INSR: variants seen among roughly 807,000 people sequenced by gnomAD.
The protein encoded by INSR is IR.
A neutral mutation model predicts 142.6 loss-of-function variants in INSR; 67 were observed. That is an observed-to-expected ratio of 0.47 (90% CI 0.39 to 0.58). The LOEUF is 0.58. Among genes scored for constraint, INSR ranks in the 20% least tolerant of loss-of-function variants. The pLI, the probability that INSR is intolerant of heterozygous loss-of-function variation, is 0.00. For synonymous variants in INSR, 756 were observed against 743.1 expected, an observed-to-expected ratio of 1.02 and a Z score of -0.28; for missense variants, 1,248 against 1,833.2, an observed-to-expected ratio of 0.68 and a Z score of 5.83.
At chr19:7,149,503 C>A (rs1973269382) in intron 11 of INSR, among the ~76,000 whole-genome samples, 1 of 152,124 alleles carries the variant, frequency 6.6e-6, no homozygotes, top group African/African-American at 2.4e-5. Flanking sequence ...CATACTGCTT[C>A]ATTCTCTTAA....
chr19:7,241,956 G>T (rs1215931180), intron 2 of INSR, among the ~76,000 whole-genome samples: 1 of 151,538 alleles, frequency 6.6e-6, no homozygotes, highest in African/African-American at 2.4e-5. Context: ...CAGGAGTTCG[G>T]GACTGGCCAA....
chr19:7,246,516 T>G (rs774113034), intron 2 of INSR, among the ~76,000 whole-genome samples: 108 of 152,324 alleles, frequency 7.1e-4, no homozygotes, highest in Admixed American at 2.2e-3. Flanking sequence ...AAAGAGCCTG[T>G]GTTTGTGGTC....
Position 7,125,578 on chromosome 19 carries a change from G to A in INSR, c.3014-51C>T, listed in dbSNP as rs1181400068. On this transcript the variant is annotated intron_variant, in intron 16 of 21. Transcript: ENST00000302850. This position sits in a 1 kb window ranked among gnomAD's most constrained non-coding sequence, Gnocchi z 4.9. ...TCCTTGGAGGATCCCTTGGGGGTCT[G>A]CAGCCACCTTCCACCCAAGCCCTCA... 4.4e-6 allele frequency: 7 copies of A among 1,605,238 alleles called. No individual in the cohort carries two copies. Among genetic ancestry groups the A allele is most frequent in the Non-Finnish European group, 5.1e-6 (6 of 1,179,462 alleles).
chr19:7,277,491 C>T (rs1968095435), intron 1 of INSR, among the ~76,000 whole-genome samples: 1 of 152,054 alleles, frequency 6.6e-6, no homozygotes, highest in Non-Finnish European at 1.5e-5. Flanking sequence ...GGACAAAGTA[C>T]TAAAACAAAG....
intron 2 of INSR, among the ~76,000 whole-genome samples, chr19:7,260,446 G>A (rs1206141689): frequency 6.6e-6 from 1 of 152,140 alleles, no homozygotes; most frequent in African/African-American, 2.4e-5. Flanking sequence ...AAAATGCCCA[G>A]AGCTGAGAAT....
Position 7,152,991 on chromosome 19 carries a change from A to AC in INSR, c.2030-65dup, listed in dbSNP as rs1568448888. The AC allele has an allele frequency of 4.0e-5, 33 of 820,316 alleles. 1 individual carries two copies. Among genetic ancestry groups the AC allele is most frequent in the African/African-American group, 3.3e-4 (16 of 48,708 alleles). The allele number at this position is 820,316 out of a possible 1,614,324, so 50.8% of individuals were successfully genotyped here. On this transcript the variant is annotated intron_variant, in intron 9 of 21. Coordinates refer to ENST00000302850, the MANE Select transcript of INSR (RefSeq NM_000208.4). ...CGGCTGAACACACATACACACACACACACACCCCACACACACACACACCAC... is the reference window on the plus strand; with the variant it reads ...CGGCTGAACACACATACACACACACACCACACCCCACACACACACACACCAC...
At chr19:7,165,503 C>T (rs1370969134) in intron 8 of INSR, among the ~76,000 whole-genome samples, 4 of 151,754 alleles carry the variant, frequency 2.6e-5, no homozygotes, top group African/African-American at 9.7e-5. Context: ...TATAAATATT[C>T]CCATCAAGTG....
In INSR at chr19:7,174,706, G is replaced by T; in HGVS notation, c.1000C>A (p.Pro334Thr). Residue 334 changes from proline (P) to threonine (T), a missense_variant, in exon 4 of 22, where the codon CCC becomes ACC. Coordinates refer to ENST00000302850, the MANE Select transcript of INSR (RefSeq NM_000208.4). ...AGGAGGTGGCACACCTTGGGACAGGGACCCAGGCATGGGGTGCACAGCAAG... is the reference window on the plus strand; with the variant it reads ...AGGAGGTGGCACACCTTGGGACAGGTACCCAGGCATGGGGTGCACAGCAAG... ...SNLLCTPCLG[P>T]CPKVCHLLEG... 1.2e-6 allele frequency: 2 copies of T among 1,613,290 alleles called. No individual in the cohort carries two copies. The highest frequency in any genetic ancestry group is 1.7e-4 in the Middle Eastern group (1 of 6,056).
At chr19:7,228,009 T>C (rs906793612) in intron 2 of INSR, among the ~76,000 whole-genome samples, 11 of 151,444 alleles carry the variant, frequency 7.3e-5, no homozygotes, top group African/African-American at 2.2e-4. Flanking sequence ...AATCAGACTG[T>C]CCCAAATCTA....
At chr19:7,222,364 C>T (rs1000050380) in intron 2 of INSR, among the ~76,000 whole-genome samples, 1 of 151,858 alleles carries the variant, frequency 6.6e-6, no homozygotes, top group African/African-American at 2.4e-5. Context: ...GACATGTGTC[C>T]CGTACACCCA....
At position 7,174,952 on chromosome 19, in the gene INSR, C is replaced by T. The variant is rs985685589; in HGVS notation, c.975-221G>A. ...CTGCCTTCTGGGTTCAAGAGATTCT[C>T]CTGCCTCAGCCTCCACAGTAGCTGG... On this transcript the variant is annotated intron_variant, in intron 3 of 21. Transcript: ENST00000302850. Among the ~76,000 whole-genome samples the T allele has an allele frequency of 3.3e-5, 5 of 152,080 alleles. 1 individual carries two copies. In the South Asian group the frequency reaches 1.0e-3, roughly 32 times the overall value.
chr19:7,146,518 C>T (rs1568444009), intron 11 of INSR, among the ~76,000 whole-genome samples: 2 of 152,136 alleles, frequency 1.3e-5, no homozygotes, highest in Non-Finnish European at 2.9e-5. Flanking sequence ...ACTGGGATTA[C>T]AGGCATGAGC....
intron 2 of INSR, among the ~76,000 whole-genome samples, chr19:7,221,073 G>A (rs543005116): frequency 5.3e-5 from 8 of 152,108 alleles, no homozygotes; most frequent in Non-Finnish European, 1.0e-4. Flanking sequence ...AGTCCCCACC[G>A]GCAAGAAGGT....
intron 9 of INSR, among the ~76,000 whole-genome samples, chr19:7,162,552 T>C (rs906196773): frequency 2.7e-5 from 4 of 147,924 alleles, no homozygotes; most frequent in African/African-American, 1.0e-4. Context: ...GGCTCATGCC[T>C]GTAATCCCAG....
chr19:7,147,343 T>G (rs1973209698), intron 11 of INSR, among the ~76,000 whole-genome samples: 1 of 152,056 alleles, frequency 6.6e-6, no homozygotes, highest in South Asian at 2.1e-4. Context: ...TCTGGCTAAT[T>G]TTTGTATTTT....
chr19:7,118,670 G>C (rs1390139824), intron 21 of INSR, among the ~76,000 whole-genome samples: 1 of 151,224 alleles, frequency 6.6e-6, no homozygotes, highest in Non-Finnish European at 1.5e-5. Flanking sequence ...TGTAATCCCA[G>C]CACTTTGGGA....
chr19:7,294,061 C>G lies in INSR; in HGVS notation c.-170G>C. ...GCCGGGGAGGGCCCAGAGGCAGCCC[C>G]GGGAAGGGCGCGCGCGGCTTCGCCA... On this transcript the variant is annotated 5_prime_UTR_variant, in exon 1 of 22. Transcript: ENST00000302850. 1.6e-6 allele frequency: 1 copy of G among 606,224 alleles called. No individual in the cohort carries two copies. 37.6% of individuals were successfully genotyped at this position (606,224 alleles called of 1,614,324 possible).
intron 13 of INSR, among the ~76,000 whole-genome samples, chr19:7,137,304 C>G (rs1174637172): frequency 1.3e-5 from 2 of 151,492 alleles, no homozygotes; most frequent in Non-Finnish European, 2.9e-5. Context: ...CCAAGCCAAT[C>G]AGCATACAGC....
At chr19:7,180,918 A>T (rs1025399124) in intron 3 of INSR, among the ~76,000 whole-genome samples, 2 of 152,062 alleles carry the variant, frequency 1.3e-5, no homozygotes, top group African/African-American at 4.8e-5. Context: ...TTAGGGAAGG[A>T]CATGGCATAT....
Sources: allele counts gnomAD v4.1 joint callset (sites outside exome capture counted in the v4.1 genomes callset), GRCh38; gene constraint gnomAD v4.1.1; non-coding constraint Gnocchi (gnomAD v3.1); transcripts MANE v1.5; gene names NCBI Gene and HGNC (gene_info 2026-07-23, HGNC 2026-07-21).